DOCK10: variants seen among roughly 807,000 people sequenced by gnomAD.
The protein encoded by DOCK10 is dedicator of cytokinesis 10, also known as dedicator of cytokinesis protein 10.
Under a neutral mutation model 280.1 loss-of-function variants are expected in DOCK10, and 145 were observed. The ratio of observed to expected loss-of-function variants is 0.52; its 90% CI spans 0.45 to 0.59. DOCK10 has a LOEUF of 0.59. Ranked by LOEUF, DOCK10 falls within the 20% of genes least tolerant of loss-of-function variation. The probability of loss-of-function intolerance (pLI) is 0.00; values close to 1 mark genes in which losing one functional copy is unlikely to be tolerated. For missense variants in DOCK10, 2,368 were observed against 2,651.7 expected (o/e 0.89, Z 2.35); for synonymous variants, 915 against 942.2 (o/e 0.97, Z 0.53).
chr2:224,871,699 C>T lies in DOCK10; in HGVS notation c.1257+2297G>A, dbSNP rs559638518. On this transcript the variant is annotated intron_variant, in intron 11 of 55. Transcript: ENST00000258390. ...TGCATTTGTACTTCTCTTTCTTCTG[C>T]CTAGAATGTTCTCCCCTGACCTGCC... is the stretch of plus-strand genomic sequence containing the variant. Among the ~76,000 whole-genome samples, 4 of 152,194 alleles carry T rather than the reference C, an allele frequency of 2.6e-5. No individual in the cohort carries two copies. The South Asian group carries it at 6.2e-4, about 24-fold the overall frequency.
intron 18 of DOCK10, among the ~76,000 whole-genome samples, 195 bp from the exon 19 acceptor site, chr2:224,849,794 G>A (rs16866223): frequency 0.013 from 1,960 of 152,270 alleles, 45 homozygotes; most frequent in African/African-American, 0.044. Flanking sequence ...AATGAAAGCT[G>A]CTGAAGATAA....
In DOCK10 at chr2:225,032,235, G is replaced by A. The variant is rs113556353; in HGVS notation, c.123+10017C>T. 5.7e-4 allele frequency among the ~76,000 whole-genome samples: 87 copies of A among 152,236 alleles called. 1 individual carries two copies. Among genetic ancestry groups the A allele is most frequent in the South Asian group, 1.0e-3 (5 of 4,828 alleles). On this transcript the variant is annotated intron_variant, in intron 1 of 55. Coordinates refer to ENST00000258390, the MANE Select transcript of DOCK10 (RefSeq NM_014689.3). ...AAAGACAAGAACACTGAAACTCAAA[G>A]AAGCTTAAAGACTTGGCCAAGGTTA... is the stretch of plus-strand genomic sequence containing the variant.
Position 224,770,289 on chromosome 2 carries a change from G to T in DOCK10, c.6366C>A (p.Asp2122Glu). ...TCAGTTCTTCCTGGTACTCCAGCTG[G>T]TCCTCTTTGATGAGGCGCTCATTCA... ...LDVNERLIKE[D>E]QLEYQEELRS... Residue 2122 changes from aspartate (D) to glutamate (E), a missense_variant, in exon 55 of 56, where the codon GAC becomes GAA. By Grantham distance (45) the Asp-to-Glu change is conservative. Transcript: ENST00000258390. The surrounding 1 kb of genome is among the most constrained non-coding windows in gnomAD (Gnocchi z 4.5). 6.2e-7 allele frequency: 1 copy of T among 1,607,148 alleles called. No individual in the cohort carries two copies. The highest frequency in any genetic ancestry group is 8.5e-7 in the Non-Finnish European group (1 of 1,176,816).
chr2:224,911,463 T>G (rs1038408003), intron 3 of DOCK10, among the ~76,000 whole-genome samples: 8 of 152,234 alleles, frequency 5.3e-5, no homozygotes, highest in African/African-American at 1.9e-4. Flanking sequence ...TCCACTTATC[T>G]GCTTTTCATG....
At chr2:224,773,450 G>A (rs1574789312) in intron 52 of DOCK10, 103 bp from the exon 53 acceptor site, 12 of 1,021,460 alleles carry the variant, frequency 1.2e-5, no homozygotes, top group Non-Finnish European at 1.7e-5. Flanking sequence ...ACGGCACATG[G>A]CACCTTCCAT....
intron 18 of DOCK10, among the ~76,000 whole-genome samples, chr2:224,851,562 A>G (rs535320548): frequency 6.6e-6 from 1 of 151,920 alleles, no homozygotes; most frequent in African/African-American, 2.4e-5. Context: ...GCTACAAATT[A>G]GAGGACTCAA....
chr2:224,961,420 TTCTTTCTTTC>T (rs1040029853), intron 1 of DOCK10, among the ~76,000 whole-genome samples: 2 of 100,026 alleles, frequency 2.0e-5, no homozygotes, highest in African/African-American at 8.6e-5. Context: ...TTCTCTTTCT[TTCTTTCTTTC>T]TTTCTTTCTT....
chr2:224,861,839 G>A (rs868515463), intron 14 of DOCK10: 3 of 152,294 alleles, frequency 2.0e-5, no homozygotes, highest in South Asian at 2.1e-4. Context: ...CTCGGGATCC[G>A]CCTGTCTTGG....
chr2:224,993,029 G>C (rs867708136), intron 1 of DOCK10, among the ~76,000 whole-genome samples: 36 of 152,212 alleles, frequency 2.4e-4, no homozygotes, highest in Middle Eastern at 6.8e-3. Flanking sequence ...AAAGAGGTAG[G>C]AGCACTGAAA....
chr2:225,042,102 A>C lies in DOCK10; in HGVS notation c.123+150T>G, dbSNP rs1690448374. 1 of 985,438 alleles carries C rather than the reference A, an allele frequency of 1.0e-6. No individual in the cohort carries two copies. The highest frequency in any genetic ancestry group is 4.4e-5 in the Admixed American group (1 of 22,510). The allele number at this position is 985,438 out of a possible 1,614,324, so 61.0% of individuals were successfully genotyped here. On this transcript the variant is annotated intron_variant, in intron 1 of 55. Coordinates refer to ENST00000258390, the MANE Select transcript of DOCK10 (RefSeq NM_014689.3). The surrounding 1 kb of genome is among the most constrained non-coding windows in gnomAD (Gnocchi z 5.1). Reference sequence around the variant, plus strand: ...TGCCTCGCTGAGGTGGCGCCGGGGGAGCCCGCAGAGGCGGCGGGGGAGGGA... The same window carrying C: ...TGCCTCGCTGAGGTGGCGCCGGGGGCGCCCGCAGAGGCGGCGGGGGAGGGA...
At chr2:224,768,415 T>C (rs1690201946) in intron 55 of DOCK10, among the ~76,000 whole-genome samples, 1 of 152,214 alleles carries the variant, frequency 6.6e-6, no homozygotes, top group Non-Finnish European at 1.5e-5. Flanking sequence ...TATAGATCTA[T>C]TTCTATAACA....
At chr2:225,032,845 T>C (rs1217027986) in intron 1 of DOCK10, among the ~76,000 whole-genome samples, 3 of 152,252 alleles carry the variant, frequency 2.0e-5, no homozygotes, top group Non-Finnish European at 4.4e-5. Context: ...TGTTCATGTC[T>C]GGGTTCTTTT....
chr2:224,839,721 G>A (rs972939998), intron 24 of DOCK10, among the ~76,000 whole-genome samples: 8 of 152,258 alleles, frequency 5.3e-5, no homozygotes, highest in Admixed American at 3.3e-4. Context: ...TGAATCTACC[G>A]TGATCTCAAA....
In DOCK10 at chr2:224,864,855, C is replaced by A; in HGVS notation, c.1479+11G>T. ...CATTTTCCATCTCATCACAAGTAAA[C>A]AAAGTGCCACCTGCTTTGGAAATTT... On this transcript the variant is annotated intron_variant, in intron 12 of 55. Transcript: ENST00000258390. The A allele has an allele frequency of 6.2e-7, 1 of 1,613,766 alleles. No individual in the cohort carries two copies. Among genetic ancestry groups the A allele is most frequent in the Non-Finnish European group, 8.5e-7 (1 of 1,179,760 alleles).
intron 18 of DOCK10, among the ~76,000 whole-genome samples, chr2:224,851,711 T>C (rs1020890357): frequency 6.6e-6 from 1 of 152,088 alleles, no homozygotes; most frequent in South Asian, 2.1e-4. Context: ...CTACAAATAA[T>C]TTCCCCCTCA....
intron 26 of DOCK10, among the ~76,000 whole-genome samples, chr2:224,832,554 G>T (rs562898509): frequency 6.6e-6 from 1 of 152,332 alleles, no homozygotes; most frequent in Non-Finnish European, 1.5e-5. Context: ...ATGGCTTAAT[G>T]AAGTGGTCAC....
intron 1 of DOCK10, among the ~76,000 whole-genome samples, chr2:224,996,625 C>T (rs1706279332): frequency 6.6e-6 from 1 of 152,206 alleles, no homozygotes; most frequent in Non-Finnish European, 1.5e-5. Context: ...CTTATGGCTA[C>T]TGCGAAAATC....
intron 1 of DOCK10, among the ~76,000 whole-genome samples, chr2:224,960,202 T>C (rs1251145446): frequency 6.6e-6 from 1 of 152,194 alleles, no homozygotes; most frequent in Non-Finnish European, 1.5e-5. Context: ...GTTATTCCTA[T>C]TGTTCCTGGG....
At chr2:224,999,919 T>G (rs573132456) in intron 1 of DOCK10, among the ~76,000 whole-genome samples, 1 of 152,318 alleles carries the variant, frequency 6.6e-6, no homozygotes, top group East Asian at 1.9e-4. Flanking sequence ...GATTGAAAGC[T>G]TTATTATGTG....
Sources: gnomAD v4.1 joint callset for allele counts (sites outside exome capture counted in the v4.1 genomes callset) on GRCh38, gnomAD v4.1.1 for gene constraint, Gnocchi (gnomAD v3.1) non-coding constraint, MANE v1.5 for transcripts, NCBI Gene and HGNC (gene_info 2026-07-23, HGNC 2026-07-21) for gene names.